Variants in KIF5A observed in about 807,000 individuals in gnomAD.
KIF5A encodes the protein kinesin family member 5A, also known as kinesin heavy chain isoform 5A.
A neutral mutation model predicts 141.3 loss-of-function variants in KIF5A; 35 were observed. The observed-to-expected ratio is 0.25, with a 90% CI of 0.19 to 0.33. The LOEUF (loss-of-function observed/expected upper bound fraction) is 0.33, where lower values mean the gene tolerates loss of function less well. Ranked by LOEUF, KIF5A falls within the 10% of genes least tolerant of loss-of-function variation. The pLI is 1.00. For missense variants in KIF5A, 861 were observed against 1,314.3 expected (o/e 0.66, Z 5.33); for synonymous variants, 448 against 500.2 (o/e 0.90, Z 1.39).
intron 1 of KIF5A, among the ~76,000 whole-genome samples, chr12:57,551,954 C>T (rs1241355011): frequency 2.6e-5 from 4 of 151,824 alleles, no homozygotes; most frequent in African/African-American, 7.3e-5. Flanking sequence ...CTTTTTGCTT[C>T]AGGGACCTCG....
At chr12:57,569,806 G>T (rs778562529) in intron 11 of KIF5A, 123 bp downstream of exon 11, 13 of 1,478,172 alleles carry the variant, frequency 8.8e-6, no homozygotes, top group Non-Finnish European at 1.2e-5. Flanking sequence ...TGTGTTTCTG[G>T]ACAGGTGCAG....
Position 57,569,595 on chromosome 12 carries a change from G to A in KIF5A, c.1029G>A (p.Lys343=). 6.2e-7 allele frequency: 1 copy of A among 1,614,150 alleles called. No individual in the cohort carries two copies. Among genetic ancestry groups the A allele is most frequent in the Non-Finnish European group, 8.5e-7 (1 of 1,180,020 alleles). The change falls in exon 11 of 29, where the codon AAG becomes AAA. Residue 343 remains lysine (K), a synonymous_variant. Transcript: ENST00000455537. Reference sequence around the variant, plus strand: ...TGGAGTTGACTGCTGAGCAGTGGAAGAAGAAATATGAGAAGGAGAAGGAGA... The same window carrying A: ...TGGAGTTGACTGCTGAGCAGTGGAAAAAGAAATATGAGAAGGAGAAGGAGA... ...VNLELTAEQW[K]KKYEKEKEKT...
intron 6 of KIF5A, among the ~76,000 whole-genome samples, chr12:57,565,340 G>T (rs938843814): frequency 2.0e-5 from 3 of 152,088 alleles, no homozygotes; most frequent in African/African-American, 7.2e-5. Flanking sequence ...AGAATCTCTT[G>T]AACCTGGGAG....
chr12:57,571,420 A>G (rs1438561177), intron 13 of KIF5A, 31 bp downstream of exon 13: 2 of 1,611,550 alleles, frequency 1.2e-6, no homozygotes, highest in South Asian at 1.1e-5. Context: ...ACATGAGAGG[A>G]AAGGGGTTCT....
chr12:57,563,894 A>C (rs1881985926), intron 3 of KIF5A, among the ~76,000 whole-genome samples: 1 of 152,062 alleles, frequency 6.6e-6, no homozygotes, highest in Non-Finnish European at 1.5e-5. Flanking sequence ...CCTTTCCACT[A>C]CTCCAGTCTT....
At chr12:57,564,544 G>A (rs548257210) in intron 5 of KIF5A, 36 bp downstream of exon 5, 11 of 1,514,828 alleles carry the variant, frequency 7.3e-6, no homozygotes, top group Non-Finnish European at 1.0e-5. Flanking sequence ...GGGTGTGTGA[G>A]GAGGGTGGAG....
In KIF5A at chr12:57,570,179, A is replaced by C. The variant is rs1457888391; in HGVS notation, c.1293+17A>C. 1 of 1,611,880 alleles carries C rather than the reference A, an allele frequency of 6.2e-7. No homozygotes were observed. The highest frequency in any genetic ancestry group is 8.5e-7 in the Non-Finnish European group (1 of 1,179,138). ...GACGACAAGGTGAGGGCGGCCAGGC[A>C]GGGCACTGAGGCACGCCAGGTGGGA... On this transcript the variant is annotated intron_variant, in intron 12 of 28. Transcript: ENST00000455537.
rs141590802 is a variant in KIF5A, at chr12:57,581,127, G to A, written c.2710G>A (p.Val904Ile). The A allele has an allele frequency of 1.1e-5, 17 of 1,613,978 alleles. No individual in the cohort carries two copies. Among genetic ancestry groups the A allele is most frequent in the Non-Finnish European group, 1.4e-5 (16 of 1,180,000 alleles). The change falls in exon 24 of 29, where the codon GTT (valine) becomes ATT (isoleucine). Residue 904 changes from valine (V) to isoleucine (I), a missense_variant. This residue lies in a region of KIF5A where 482 missense variants were observed against 661.3 expected (regional missense o/e 0.73). Coordinates refer to ENST00000455537, the MANE Select transcript of KIF5A (RefSeq NM_004984.4). ...QQEVDRIKEA[V>I]RYKSSGKRGH... is the part of the protein sequence containing the mutation. The stretch of plus-strand genomic sequence containing the variant: ...GGAGGTGGACCGCATCAAGGAGGCC[G>A]TTCGCTACAAGAGCTCGGGCAAACG...
At chr12:57,564,038 C>T (rs913510219) in intron 3 of KIF5A, 70 bp from the exon 4 acceptor site, 3 of 1,082,282 alleles carry the variant, frequency 2.8e-6, no homozygotes, top group African/African-American at 3.1e-5. Flanking sequence ...TTGGTGTTCA[C>T]CTGCATACAT....
chr12:57,583,175 G>A lies in KIF5A; in HGVS notation c.3095G>A (p.Ser1032Asn). Residue 1032 changes from serine to asparagine, a missense_variant, in exon 28 of 29, where the codon AGC (serine) becomes AAC (asparagine). Coordinates refer to ENST00000455537, the MANE Select transcript of KIF5A (RefSeq NM_004984.4). ...CCTCTCCACCAAGAGACAGCAGCCA[G>A]CTAATCTCCCACACCCACGGCTGCA... ...LFPLHQETAA[S>N] The A allele has an allele frequency of 6.2e-7, 1 of 1,613,716 alleles. No homozygotes were observed. Among genetic ancestry groups the A allele is most frequent in the South Asian group, 1.1e-5 (1 of 90,994 alleles).
chr12:57,570,174 C>G lies in KIF5A; in HGVS notation c.1293+12C>G. Reference sequence around the variant, plus strand: ...AGCTTGACGACAAGGTGAGGGCGGCCAGGCAGGGCACTGAGGCACGCCAGG... The same window carrying G: ...AGCTTGACGACAAGGTGAGGGCGGCGAGGCAGGGCACTGAGGCACGCCAGG... On this transcript the variant is annotated intron_variant, in intron 12 of 28. Transcript: ENST00000455537. 6.2e-7 allele frequency: 1 copy of G among 1,612,680 alleles called. No homozygotes were observed. Among genetic ancestry groups the G allele is most frequent in the Non-Finnish European group, 8.5e-7 (1 of 1,179,686 alleles).
intron 1 of KIF5A, among the ~76,000 whole-genome samples, chr12:57,553,315 G>T (rs1440001679): frequency 6.6e-6 from 1 of 152,040 alleles, no homozygotes. Context: ...CCTCCCTCAG[G>T]TCTCCCAATG....
Position 57,567,118 on chromosome 12 carries a change from C to T in KIF5A, c.502-8C>T. On this transcript the variant is annotated splice_region_variant and splice_polypyrimidine_tract_variant and intron_variant, in intron 6 of 28. Coordinates refer to ENST00000455537, the MANE Select transcript of KIF5A (RefSeq NM_004984.4). ...GCTTATGGGTCACTGTCCATTTGTC[C>T]CCCACAGGGTTGTACTGAACGCTTT... is the stretch of plus-strand genomic sequence containing the variant. 1 of 1,592,328 alleles carries T rather than the reference C, an allele frequency of 6.3e-7. No homozygotes were observed. The highest frequency in any genetic ancestry group is 1.1e-5 in the South Asian group (1 of 90,618).
chr12:57,562,055 G>A (rs991455249), intron 1 of KIF5A, among the ~76,000 whole-genome samples: 3 of 152,118 alleles, frequency 2.0e-5, no homozygotes, highest in Non-Finnish European at 2.9e-5. Flanking sequence ...TCATTTACTC[G>A]TCCCAGAGAT....
intron 26 of KIF5A, 65 bp from the exon 27 acceptor site, chr12:57,582,535 CTG>C: frequency 1.5e-6 from 2 of 1,304,206 alleles, no homozygotes; most frequent in Non-Finnish European, 2.2e-6. Context: ...TTTGCGCAAA[CTG>C]TTTCTAACAC....
chr12:57,557,147 C>T (rs1476569586), intron 1 of KIF5A, among the ~76,000 whole-genome samples: 4 of 151,932 alleles, frequency 2.6e-5, no homozygotes, highest in African/African-American at 7.3e-5. Context: ...TTCGTACAAC[C>T]GGAAATGCAC....
intron 15 of KIF5A, among the ~76,000 whole-genome samples, chr12:57,574,606 G>A (rs963870341): frequency 1.4e-5 from 2 of 142,844 alleles, no homozygotes; most frequent in African/African-American, 5.2e-5. Flanking sequence ...TTTTGAGATG[G>A]AGTCTCACTC....
intron 10 of KIF5A, 50 bp from the exon 11 acceptor site, chr12:57,569,485 C>T: frequency 1.9e-6 from 3 of 1,613,680 alleles, no homozygotes; most frequent in Non-Finnish European, 2.5e-6. Flanking sequence ...CTCAGGGTCA[C>T]CCAAGTCTCA....
chr12:57,584,956 G>T lies in KIF5A; in HGVS notation c.*775G>T, dbSNP rs1882714108. The T allele has an allele frequency of 6.6e-6, 1 of 152,168 alleles. No homozygotes were observed. The highest frequency in any genetic ancestry group is 1.5e-5 in the Non-Finnish European group (1 of 68,048). The allele number at this position is 152,168 out of a possible 1,614,324, so 9.4% of individuals were successfully genotyped here. Reference sequence around the variant, plus strand: ...CCAGAGCTCATGACCAGAACCCAGAGCTGATTTAAAATATTTTGAAAAATG... The same window carrying T: ...CCAGAGCTCATGACCAGAACCCAGATCTGATTTAAAATATTTTGAAAAATG... On this transcript the variant is annotated 3_prime_UTR_variant, in exon 29 of 29. Transcript: ENST00000455537.
Sources: gnomAD v4.1 joint callset for allele counts (sites outside exome capture counted in the v4.1 genomes callset) on GRCh38, gnomAD v4.1.1 for gene constraint, gnomAD v4.1.1 regional missense constraint, MANE v1.5 for transcripts, NCBI Gene and HGNC (gene_info 2026-07-23, HGNC 2026-07-21) for gene names.